CPEB4: variants seen among roughly 807,000 people sequenced by gnomAD.
CPEB4 encodes the protein cytoplasmic polyadenylation element binding protein 4, also known as cytoplasmic polyadenylation element-binding protein 4.
In CPEB4, 12 loss-of-function variants were observed where a neutral mutation model predicts 72.5. The ratio of observed to expected loss-of-function variants is 0.17; its 90% CI spans 0.11 to 0.27. The LOEUF (loss-of-function observed/expected upper bound fraction) is 0.27. Among genes scored for constraint, CPEB4 ranks in the 10% least tolerant of loss-of-function variants. CPEB4 has a pLI of 1.00. For synonymous variants in CPEB4, 302 were observed against 326.3 expected (o/e 0.93, Z 0.80); for missense variants, 614 against 908.5 (o/e 0.68, Z 4.17).
In CPEB4 at chr5:173,890,175, G is replaced by A; in HGVS notation, c.442G>A (p.Ala148Thr). Residue 148 changes from alanine to threonine, a missense_variant, in exon 1 of 10, where the codon GCC becomes ACC. By Grantham distance (58) the Ala-to-Thr change is moderately conservative. This residue lies in a region of CPEB4 where 458 missense variants were observed against 548.6 expected (regional missense o/e 0.83). Transcript: ENST00000265085. Reference protein sequence around the residue: ...PVLTGFDYQEATGLGTSTQPL... With the variant: ...PVLTGFDYQETTGLGTSTQPL... The stretch of plus-strand genomic sequence containing the variant: ...GTTGACAGGGTTTGATTATCAAGAA[G>A]CCACTGGGCTAGGTACTTCAACCCA... 2 of 1,614,124 alleles carry A rather than the reference G, an allele frequency of 1.2e-6. No homozygotes were observed. Among genetic ancestry groups the A allele is most frequent in the Non-Finnish European group, 1.7e-6 (2 of 1,180,006 alleles).
chr5:173,926,869 C>G (rs1032590539), intron 2 of CPEB4, among the ~76,000 whole-genome samples: 37 of 152,334 alleles, frequency 2.4e-4, no homozygotes, highest in Non-Finnish European at 5.3e-4. Context: ...GAGTTCTTGG[C>G]TGGGCACCGT....
chr5:173,932,945 A>G (rs1019898544), intron 3 of CPEB4, among the ~76,000 whole-genome samples: 2 of 152,240 alleles, frequency 1.3e-5, no homozygotes, highest in African/African-American at 4.8e-5. Flanking sequence ...GCTGTCTAAC[A>G]AAAACAAGAA....
intron 3 of CPEB4, 148 bp from the exon 4 acceptor site, chr5:173,942,878 T>C: frequency 1.3e-6 from 1 of 749,878 alleles, no homozygotes; most frequent in Non-Finnish European, 2.0e-6. Context: ...TTCCTTGTTT[T>C]TTTAGACATT....
At position 173,957,976 on chromosome 5, in the gene CPEB4, A is replaced by T. The variant is rs143159425; in HGVS notation, c.*1839A>T. 1.3e-5 allele frequency: 2 copies of T among 152,896 alleles called. No homozygotes were observed. The highest frequency in any genetic ancestry group is 1.3e-4 in the Admixed American group (2 of 15,296). 9.5% of individuals were successfully genotyped at this position (152,896 alleles called of 1,614,324 possible). ...ATACTGAAAGCAGTCATGCGAATGGAGGGTGCTCTTGTGTAGCTGGTCAGG... is the reference window on the plus strand; with the variant it reads ...ATACTGAAAGCAGTCATGCGAATGGTGGGTGCTCTTGTGTAGCTGGTCAGG... On this transcript the variant is annotated 3_prime_UTR_variant, in exon 10 of 10. Transcript: ENST00000265085.
At chr5:173,893,677 A>G (rs927572682) in intron 1 of CPEB4, among the ~76,000 whole-genome samples, 2 of 152,332 alleles carry the variant, frequency 1.3e-5, no homozygotes, top group Middle Eastern at 3.4e-3. Flanking sequence ...TAATAATGGT[A>G]TTCAATCAAA....
chr5:173,929,942 T>C lies in CPEB4; in HGVS notation c.1208-2508T>C, dbSNP rs561917714. On this transcript the variant is annotated intron_variant, in intron 2 of 9. Transcript: ENST00000265085. ...ATAAATGAAAGTGTGATAGCTCTTATTCATTTACTAGAGAGTTTTAGAAGT... is the reference window on the plus strand; with the variant it reads ...ATAAATGAAAGTGTGATAGCTCTTACTCATTTACTAGAGAGTTTTAGAAGT... 6.6e-5 allele frequency among the ~76,000 whole-genome samples: 10 copies of C among 152,340 alleles called. 1 individual carries two copies. In the South Asian group the frequency reaches 1.9e-3, roughly 28 times the overall value.
chr5:173,897,702 A>G (rs1274868611), intron 1 of CPEB4, among the ~76,000 whole-genome samples: 3 of 152,210 alleles, frequency 2.0e-5, no homozygotes, highest in Non-Finnish European at 2.9e-5. Context: ...AATTGTATAA[A>G]TGGCATTTCC....
chr5:173,911,224 A>C (rs1756645262), intron 2 of CPEB4, among the ~76,000 whole-genome samples: 1 of 152,068 alleles, frequency 6.6e-6, no homozygotes, highest in African/African-American at 2.4e-5. Flanking sequence ...TTTAAAAATA[A>C]AATGTAGATG....
At chr5:173,937,295 G>A (rs1341484037) in intron 3 of CPEB4, among the ~76,000 whole-genome samples, 2 of 152,028 alleles carry the variant, frequency 1.3e-5, no homozygotes, top group Non-Finnish European at 2.9e-5. Flanking sequence ...GGCCTGCCTC[G>A]GCCTTCCAAA....
At chr5:173,923,527 T>C (rs970880417) in intron 2 of CPEB4, among the ~76,000 whole-genome samples, 5 of 152,192 alleles carry the variant, frequency 3.3e-5, no homozygotes, top group African/African-American at 1.2e-4. Context: ...GCCAGTTCTT[T>C]ATTCATTGGT....
At chr5:173,945,334 A>G (rs1226397286) in intron 5 of CPEB4, among the ~76,000 whole-genome samples, 194 bp downstream of exon 5, 2 of 152,198 alleles carry the variant, frequency 1.3e-5, no homozygotes, top group African/African-American at 4.8e-5. Context: ...GTGCAAACCA[A>G]CTAAAGCAAG....
chr5:173,916,071 A>T (rs1378054548), intron 2 of CPEB4, among the ~76,000 whole-genome samples: 1 of 152,198 alleles, frequency 6.6e-6, no homozygotes, highest in Non-Finnish European at 1.5e-5. Flanking sequence ...AAACAATATA[A>T]TATTCAATTT....
rs1755697346 is a variant in CPEB4 at position 173,888,745 on chromosome 5, C to T, written c.-989C>T. On this transcript the variant is annotated 5_prime_UTR_variant, in exon 1 of 10. Coordinates refer to ENST00000265085, the MANE Select transcript of CPEB4 (RefSeq NM_030627.4). This position sits in a 1 kb window ranked among gnomAD's most constrained non-coding sequence, Gnocchi z 4.3. ...GAACTGAGGGAACTGAACAAACCGCCCCTGGGTCCCATGAGGGAAAAAAAC... is the reference window on the plus strand; with the variant it reads ...GAACTGAGGGAACTGAACAAACCGCTCCTGGGTCCCATGAGGGAAAAAAAC... 1 of 385,886 alleles carries T rather than the reference C, an allele frequency of 2.6e-6. No individual in the cohort carries two copies. Among genetic ancestry groups the T allele is most frequent in the Non-Finnish European group, 4.6e-6 (1 of 218,258 alleles). 23.9% of individuals were successfully genotyped at this position (385,886 alleles called of 1,614,324 possible).
intron 3 of CPEB4, among the ~76,000 whole-genome samples, chr5:173,941,746 C>T (rs767061144): frequency 3.3e-5 from 5 of 152,112 alleles, no homozygotes; most frequent in Non-Finnish European, 7.4e-5. Context: ...GTCGTGGTGG[C>T]ACACCCCTGT....
At chr5:173,949,870 C>A in intron 6 of CPEB4, 90 bp from the exon 7 acceptor site, 3 of 908,796 alleles carry the variant, frequency 3.3e-6, no homozygotes, top group Non-Finnish European at 5.3e-6. Context: ...TTCCTTTTTC[C>A]TTTCTTTAGT....
chr5:173,908,087 T>A (rs953852944), intron 1 of CPEB4, among the ~76,000 whole-genome samples: 1 of 152,220 alleles, frequency 6.6e-6, no homozygotes, highest in Non-Finnish European at 1.5e-5. Flanking sequence ...TAGAATGAGA[T>A]AGTGTAATTT....
intron 1 of CPEB4, among the ~76,000 whole-genome samples, chr5:173,910,176 C>T (rs1756595943): frequency 6.6e-6 from 1 of 151,880 alleles, no homozygotes; most frequent in South Asian, 2.1e-4. Context: ...AAAGCTTTGC[C>T]ACGTTTTTGC....
chr5:173,919,466 TAATA>T (rs1187400361), intron 2 of CPEB4, among the ~76,000 whole-genome samples: 1 of 152,212 alleles, frequency 6.6e-6, no homozygotes, highest in African/African-American at 2.4e-5. Context: ...ACATCTAAAT[TAATA>T]GAGTGTATTG....
At chr5:173,906,751 C>T (rs1040989368) in intron 1 of CPEB4, among the ~76,000 whole-genome samples, 1 of 152,182 alleles carries the variant, frequency 6.6e-6, no homozygotes, top group Non-Finnish European at 1.5e-5. Context: ...AGTATCATTA[C>T]TAAAAATTAG....
Sources: allele counts gnomAD v4.1 joint callset (sites outside exome capture counted in the v4.1 genomes callset), GRCh38; gene constraint gnomAD v4.1.1; regional missense constraint gnomAD v4.1.1; non-coding constraint Gnocchi (gnomAD v3.1); transcripts MANE v1.5; gene names NCBI Gene and HGNC (gene_info 2026-07-23, HGNC 2026-07-21).